Variants in SLC37A2 observed in about 807,000 individuals in gnomAD.
The protein encoded by SLC37A2 is glucose-6-phosphate exchanger SLC37A2.
In SLC37A2, 59 loss-of-function variants were observed where a neutral mutation model predicts 70.7. The observed-to-expected ratio is 0.83, with a 90% CI of 0.68 to 1.04. The LOEUF (loss-of-function observed/expected upper bound fraction) is 1.04, where lower values mean the gene tolerates loss of function less well. Ranked by LOEUF, SLC37A2 falls within the 50% of genes least tolerant of loss-of-function variation. The pLI is 0.00. For synonymous variants in SLC37A2, 257 were observed against 262.1 expected, an observed-to-expected ratio of 0.98 and a Z score of 0.19; for missense variants, 580 against 658.1, an observed-to-expected ratio of 0.88 and a Z score of 1.30.
chr11:125,079,676 C>T lies in SLC37A2; in HGVS notation c.451-8C>T. The T allele has an allele frequency of 6.3e-7, 1 of 1,592,500 alleles. No homozygotes were observed. ...CCTGTTCCCACCCTCCCTTCTCTCT[C>T]CCTGCAGGTCTGTAATGGACTCGTC... On this transcript the variant is annotated splice_region_variant and splice_polypyrimidine_tract_variant and intron_variant, in intron 5 of 17. Coordinates refer to ENST00000403796, the MANE Select transcript of SLC37A2 (RefSeq NM_001145290.2).
chr11:125,079,359 C>A (rs1011173720), intron 5 of SLC37A2, 112 bp downstream of exon 5: 3 of 1,329,080 alleles, frequency 2.3e-6, no homozygotes, highest in Admixed American at 1.8e-5. Flanking sequence ...GTCCAGTGCT[C>A]TCTATTACAC....
At chr11:125,084,741 C>A in intron 12 of SLC37A2, 84 bp from the exon 13 acceptor site, 1 of 1,415,730 alleles carries the variant, frequency 7.1e-7, no homozygotes. Context: ...GGTTTCAGGG[C>A]AGGAGATGGT....
intron 17 of SLC37A2, 192 bp from the exon 18 acceptor site, chr11:125,087,927 C>T (rs957426042): frequency 2.3e-5 from 14 of 616,554 alleles, no homozygotes; most frequent in African/African-American, 5.6e-5. Flanking sequence ...CCACCGCGCC[C>T]GGCCAGGTTT....
rs776330729 is a variant in SLC37A2 at position 125,076,854 on chromosome 11, A to G, written c.141+16A>G. On this transcript the variant is annotated intron_variant, in intron 2 of 17. Transcript: ENST00000403796. Reference sequence around the variant, plus strand: ...TATCGTCAAGGTGAGGCTGGCTGGCAGCAAGGAAGAGTGCAGAAGCACACT... The same window carrying G: ...TATCGTCAAGGTGAGGCTGGCTGGCGGCAAGGAAGAGTGCAGAAGCACACT... 6.8e-6 allele frequency: 11 copies of G among 1,613,346 alleles called. No homozygotes were observed. The highest frequency in any genetic ancestry group is 9.3e-6 in the Non-Finnish European group (11 of 1,179,382).
At chr11:125,078,625 C>T (rs1194487291) in intron 4 of SLC37A2, among the ~76,000 whole-genome samples, 1 of 152,042 alleles carries the variant, frequency 6.6e-6, no homozygotes, top group Non-Finnish European at 1.5e-5. Flanking sequence ...ATGAGGATAG[C>T]AGGATGATGA....
intron 1 of SLC37A2, among the ~76,000 whole-genome samples, chr11:125,064,794 G>T (rs1948966266): frequency 6.6e-6 from 1 of 152,190 alleles, no homozygotes; most frequent in Non-Finnish European, 1.5e-5. Context: ...TAGAGAGGGG[G>T]ATTGGGGAAT....
chr11:125,088,208 A>G lies in SLC37A2; in HGVS notation c.*74A>G, dbSNP rs1949244551. 1 of 1,511,508 alleles carries G rather than the reference A, an allele frequency of 6.6e-7. No individual in the cohort carries two copies. Among genetic ancestry groups the G allele is most frequent in the Non-Finnish European group, 9.0e-7 (1 of 1,110,998 alleles). 93.6% of individuals were successfully genotyped at this position (1,511,508 alleles called of 1,614,324 possible). A position where few individuals can be genotyped will look rare whatever the true frequency, so the allele number is the denominator to read the frequency against. ...GTGCTCCCCATGGGCAAGACAATGG[A>G]AACTTCCACAAGCAGGGAAGGCAAA... is the stretch of plus-strand genomic sequence containing the variant. On this transcript the variant is annotated 3_prime_UTR_variant, in exon 18 of 18. Transcript: ENST00000403796.
chr11:125,074,536 A>G (rs1347060346), intron 1 of SLC37A2, among the ~76,000 whole-genome samples: 2 of 147,876 alleles, frequency 1.4e-5, no homozygotes, highest in Non-Finnish European at 3.0e-5. Flanking sequence ...CAAAAGGGCC[A>G]TGGAGCAGAT....
chr11:125,074,462 G>A (rs747609309), intron 1 of SLC37A2, among the ~76,000 whole-genome samples: 2 of 152,078 alleles, frequency 1.3e-5, no homozygotes, highest in Non-Finnish European at 2.9e-5. Context: ...CAGCCGAAGG[G>A]AATCAAGATG....
intron 1 of SLC37A2, among the ~76,000 whole-genome samples, chr11:125,064,468 G>A (rs1184688884): frequency 6.6e-6 from 1 of 152,176 alleles, no homozygotes; most frequent in Non-Finnish European, 1.5e-5. Context: ...TAGGGCAGGT[G>A]CTATTAAAGT....
At chr11:125,075,077 A>C (rs1010472489) in intron 1 of SLC37A2, among the ~76,000 whole-genome samples, 1 of 152,202 alleles carries the variant, frequency 6.6e-6, no homozygotes, top group Non-Finnish European at 1.5e-5. Context: ...GAGGCAAAAA[A>C]AAGGCTTAGG....
At position 125,073,490 on chromosome 11, in the gene SLC37A2, G is replaced by A. The variant is rs143284521; in HGVS notation, c.60-3267G>A. 5.8e-3 allele frequency among the ~76,000 whole-genome samples: 885 copies of A among 152,296 alleles called. 9 individuals carry two copies. The highest frequency in any genetic ancestry group is 0.01 in the Non-Finnish European group (701 of 68,022). On this transcript the variant is annotated intron_variant, in intron 1 of 17. Transcript: ENST00000403796. Reference sequence around the variant, plus strand: ...CTCCCCTAACAGAGCAGTGTGGGCCGCCTCCACCCCTCCAGTCCTTCTTCC... The same window carrying A: ...CTCCCCTAACAGAGCAGTGTGGGCCACCTCCACCCCTCCAGTCCTTCTTCC...
intron 1 of SLC37A2, among the ~76,000 whole-genome samples, chr11:125,075,292 C>T (rs1376579197): frequency 1.3e-5 from 2 of 152,218 alleles, no homozygotes; most frequent in African/African-American, 2.4e-5. Context: ...TTCTAGAAGT[C>T]CCCGAACTAA....
At chr11:125,073,919 C>T (rs975130095) in intron 1 of SLC37A2, among the ~76,000 whole-genome samples, 1 of 152,174 alleles carries the variant, frequency 6.6e-6, no homozygotes, top group Non-Finnish European at 1.5e-5. Context: ...TCAGAGCTGC[C>T]GACCTGGGAA....
Position 125,085,567 on chromosome 11 carries a change from C to T in SLC37A2, c.1328-10C>T. 1 of 1,613,828 alleles carries T rather than the reference C, an allele frequency of 6.2e-7. No homozygotes were observed. Among genetic ancestry groups the T allele is most frequent in the Non-Finnish European group, 8.5e-7 (1 of 1,180,012 alleles). On this transcript the variant is annotated splice_polypyrimidine_tract_variant and intron_variant, in intron 15 of 17. Coordinates refer to ENST00000403796, the MANE Select transcript of SLC37A2 (RefSeq NM_001145290.2). ...CAGGACCCCTGCTCACGAGGCTGTGCTCCATTCAGGTGCGGCTCTGGGGCC... is the reference window on the plus strand; with the variant it reads ...CAGGACCCCTGCTCACGAGGCTGTGTTCCATTCAGGTGCGGCTCTGGGGCC...
At position 125,083,122 on chromosome 11, in the gene SLC37A2, C is replaced by G. The variant is rs1949167430; in HGVS notation, c.977-693C>G. The stretch of plus-strand genomic sequence containing the variant: ...CAACAGTGCCTTGCCACACATTGTG[C>G]TCGCTCTGAACAGGATACTGTAGGA... On this transcript the variant is annotated intron_variant, in intron 10 of 17. Coordinates refer to ENST00000403796, the MANE Select transcript of SLC37A2 (RefSeq NM_001145290.2). The surrounding 1 kb of genome is among the most constrained non-coding windows in gnomAD (Gnocchi z 4.6). The G allele has an allele frequency of 6.6e-6, 1 of 152,470 alleles. No individual in the cohort carries two copies. The highest frequency in any genetic ancestry group is 2.4e-5 in the African/African-American group (1 of 41,428). 9.4% of individuals were successfully genotyped at this position (152,470 alleles called of 1,614,324 possible).
rs1949132394 is a variant in SLC37A2 at position 125,080,292 on chromosome 11, G to A, written c.528-322G>A. On this transcript the variant is annotated intron_variant, in intron 6 of 17. Coordinates refer to ENST00000403796, the MANE Select transcript of SLC37A2 (RefSeq NM_001145290.2). This position sits in a 1 kb window ranked among gnomAD's most constrained non-coding sequence, Gnocchi z 4.3. ...TGGGGGTAGGATCACCCCTGGTTGAGGACAGTGCTTTAGAGTGAGATCGTG... is the reference window on the plus strand; with the variant it reads ...TGGGGGTAGGATCACCCCTGGTTGAAGACAGTGCTTTAGAGTGAGATCGTG... Among the ~76,000 whole-genome samples the A allele has an allele frequency of 6.6e-6, 1 of 152,212 alleles. No homozygotes were observed.
intron 1 of SLC37A2, among the ~76,000 whole-genome samples, chr11:125,067,606 G>T (rs1482905522): frequency 6.6e-6 from 1 of 152,158 alleles, no homozygotes; most frequent in Non-Finnish European, 1.5e-5. Context: ...TTTAAAAGAT[G>T]AAAGAACAAA....
rs1350131400 is a variant in SLC37A2, at chr11:125,081,749, C to T, written c.733-5C>T. On this transcript the variant is annotated splice_polypyrimidine_tract_variant and splice_region_variant and intron_variant, in intron 8 of 17. Coordinates refer to ENST00000403796, the MANE Select transcript of SLC37A2 (RefSeq NM_001145290.2). ...CCCACAGCAGGGCTCATCTCCTCTGCTCAGGGTGAGCCAGCTGAGAACCAG... is the reference window on the plus strand; with the variant it reads ...CCCACAGCAGGGCTCATCTCCTCTGTTCAGGGTGAGCCAGCTGAGAACCAG... 2 of 1,587,210 alleles carry T rather than the reference C, an allele frequency of 1.3e-6. No homozygotes were observed. Among genetic ancestry groups the T allele is most frequent in the African/African-American group, 1.4e-5 (1 of 73,892 alleles).
Sources: allele counts gnomAD v4.1 joint callset (sites outside exome capture counted in the v4.1 genomes callset), GRCh38; gene constraint gnomAD v4.1.1; non-coding constraint Gnocchi (gnomAD v3.1); transcripts MANE v1.5; gene names NCBI Gene and HGNC (gene_info 2026-07-23, HGNC 2026-07-21).